PFKFB4: variants seen among roughly 807,000 people sequenced by gnomAD.
PFKFB4 encodes the protein 6-phosphofructo-2-kinase/fructose-2,6-bisphosphatase 4.
In PFKFB4, 42 loss-of-function variants were observed where a neutral mutation model predicts 62.8. The observed-to-expected ratio is 0.67, with a 90% CI of 0.52 to 0.86. PFKFB4 has a LOEUF of 0.86. Ranked by LOEUF, PFKFB4 falls within the 40% of genes least tolerant of loss-of-function variation. PFKFB4 has a pLI of 0.00. For synonymous variants in PFKFB4, 204 were observed against 240.7 expected (o/e 0.85, Z 1.41); for missense variants, 475 against 627.2 (o/e 0.76, Z 2.59).
intron 7 of PFKFB4, 61 bp downstream of exon 7, chr3:48,538,437 C>A: frequency 4.4e-6 from 7 of 1,593,058 alleles, no homozygotes; most frequent in Non-Finnish European, 6.0e-6. Context: ...TAGGAGGCAG[C>A]CAAGTATGAC....
At chr3:48,540,674 A>C (rs1033033815) in intron 4 of PFKFB4, among the ~76,000 whole-genome samples, 1 of 152,154 alleles carries the variant, frequency 6.6e-6, no homozygotes, top group Admixed American at 6.5e-5. Flanking sequence ...TAGTGGAGCA[A>C]TCATAGCTCA....
rs1207758239 is a variant in PFKFB4 at position 48,549,534 on chromosome 3, CCT to C, written c.311+328_311+329del. Reference sequence around the variant, plus strand: ...GCATGGGCTGAGCCCCTCTTACCTCCCTGAAGCTCTGTCCTTCCCAAGGGTTC... The same window carrying C: ...GCATGGGCTGAGCCCCTCTTACCTCCGAAGCTCTGTCCTTCCCAAGGGTTC... On this transcript the variant is annotated intron_variant, in intron 3 of 13. Transcript: ENST00000232375. Among the ~76,000 whole-genome samples the C allele has an allele frequency of 2.0e-5, 3 of 152,132 alleles. No individual in the cohort carries two copies. In the East Asian group the frequency reaches 5.8e-4, roughly 29 times the overall value.
chr3:48,531,253 C>A (rs1421786080), intron 9 of PFKFB4, among the ~76,000 whole-genome samples: 1 of 150,980 alleles, frequency 6.6e-6, no homozygotes, highest in African/African-American at 2.4e-5. Flanking sequence ...GTAATACCAG[C>A]AATTTGGGAG....
chr3:48,543,161 G>A lies in PFKFB4; in HGVS notation c.378+419C>T, dbSNP rs1046518207. On this transcript the variant is annotated intron_variant, in intron 4 of 13. Coordinates refer to ENST00000232375, the MANE Select transcript of PFKFB4 (RefSeq NM_004567.4). ...CAGTTTAGCCCTGTTCTGCTCTTCC[G>A]TCTGACTAGAAGGGCCAACACACAG... 1.1e-4 allele frequency among the ~76,000 whole-genome samples: 17 copies of A among 152,294 alleles called. No homozygotes were observed. The East Asian group carries it at 2.9e-3, about 26-fold the overall frequency.
chr3:48,534,579 G>A (rs1178414308), intron 9 of PFKFB4, among the ~76,000 whole-genome samples: 1 of 151,774 alleles, frequency 6.6e-6, no homozygotes, highest in Non-Finnish European at 1.5e-5. Context: ...GTTGAGATGG[G>A]AGGATGGCTT....
At chr3:48,544,577 G>A (rs1300839395) in intron 3 of PFKFB4, among the ~76,000 whole-genome samples, 4 of 151,180 alleles carry the variant, frequency 2.6e-5, no homozygotes, top group African/African-American at 4.9e-5. Context: ...CTCCAGAGTA[G>A]CTGAAACTAC....
At chr3:48,522,999 GA>G (rs2042145269) in intron 12 of PFKFB4, among the ~76,000 whole-genome samples, 1 of 151,838 alleles carries the variant, frequency 6.6e-6, no homozygotes. Flanking sequence ...TTGACCTCGT[GA>G]TCCACCCACC....
chr3:48,563,094 C>G (rs778940067), upstream of PFKFB4: 1 of 1,611,464 alleles, frequency 6.2e-7, no homozygotes, highest in East Asian at 2.2e-5. This position sits in a 1 kb window ranked among gnomAD's most constrained non-coding sequence, Gnocchi z 4.5. Context: ...AACATCAGGA[C>G]CATCAGCAAC....
upstream of PFKFB4, chr3:48,562,775 CT>C (rs2043454148): frequency 2.6e-6 from 4 of 1,535,910 alleles, no homozygotes; most frequent in African/African-American, 4.1e-5. This position sits in a 1 kb window ranked among gnomAD's most constrained non-coding sequence, Gnocchi z 4.3. Flanking sequence ...CTGTGACCCC[CT>C]CTCTCAGGCT....
intron 12 of PFKFB4, 148 bp downstream of exon 12, chr3:48,523,389 A>G: frequency 1.3e-6 from 1 of 788,610 alleles, no homozygotes; most frequent in Non-Finnish European, 2.1e-6. Context: ...GTCTCAAAGA[A>G]AAAAAGCAAA....
chr3:48,540,057 A>C (rs1257866483), intron 4 of PFKFB4, among the ~76,000 whole-genome samples: 1 of 152,242 alleles, frequency 6.6e-6, no homozygotes, highest in African/African-American at 2.4e-5. Flanking sequence ...GAACCTACTC[A>C]GTGCTGCTCT....
upstream of PFKFB4, among the ~76,000 whole-genome samples, chr3:48,557,545 T>C (rs1291855271): frequency 1.3e-5 from 2 of 152,168 alleles, no homozygotes; most frequent in Non-Finnish European, 2.9e-5. Context: ...CGTGGGACTT[T>C]TTTTTTTTGA....
At chr3:48,559,306 C>T (rs2043395670), upstream of PFKFB4, among the ~76,000 whole-genome samples, 1 of 152,240 alleles carries the variant, frequency 6.6e-6, no homozygotes, top group Admixed American at 6.5e-5. Flanking sequence ...CCCAAGGCCA[C>T]CGTCCACATC....
chr3:48,557,062 C>T (rs919126804), upstream of PFKFB4: 34 of 980,644 alleles, frequency 3.5e-5, no homozygotes, highest in Middle Eastern at 3.7e-4. Context: ...CCGGATTGTA[C>T]TGGTCCCGCC....
chr3:48,528,226 C>CA (rs924328185), intron 9 of PFKFB4, among the ~76,000 whole-genome samples: 22 of 152,130 alleles, frequency 1.4e-4, no homozygotes, highest in African/African-American at 5.3e-4. Context: ...GTGGAGAAAT[C>CA]AGAGCCCTCA....
intron 3 of PFKFB4, among the ~76,000 whole-genome samples, chr3:48,545,257 G>A (rs1055964109): frequency 6.6e-6 from 1 of 151,968 alleles, no homozygotes; most frequent in East Asian, 1.9e-4. Flanking sequence ...TCAGCCTCTC[G>A]AGTAGCTGGG....
upstream of PFKFB4, chr3:48,556,881 G>T (rs1575407985): frequency 1.4e-6 from 2 of 1,463,686 alleles, no homozygotes; most frequent in Non-Finnish European, 1.8e-6. This position sits in a 1 kb window ranked among gnomAD's most constrained non-coding sequence, Gnocchi z 5.7. Context: ...TCCTCAAGCC[G>T]CGACAGCCCA....
chr3:48,537,713 C>G (rs770693504), intron 7 of PFKFB4, among the ~76,000 whole-genome samples: 8 of 151,418 alleles, frequency 5.3e-5, no homozygotes, highest in Non-Finnish European at 1.0e-4. Flanking sequence ...TTTGTAGAGA[C>G]GGGGTTTCAC....
chr3:48,557,329 G>A (rs2043354913), upstream of PFKFB4, among the ~76,000 whole-genome samples: 1 of 152,216 alleles, frequency 6.6e-6, no homozygotes, highest in African/African-American at 2.4e-5. Flanking sequence ...GGGGCCAGTA[G>A]GCCTGCAGTC....
Sources: gnomAD v4.1 joint callset for allele counts (sites outside exome capture counted in the v4.1 genomes callset) on GRCh38, gnomAD v4.1.1 for gene constraint, Gnocchi (gnomAD v3.1) non-coding constraint, MANE v1.5 for transcripts, NCBI Gene and HGNC (gene_info 2026-07-23, HGNC 2026-07-21) for gene names.